OTUD7B: variants seen among roughly 807,000 people sequenced by gnomAD.
OTUD7B encodes the protein OTU deubiquitinase 7B.
OTUD7B carries 34 observed loss-of-function variants against 82.2 expected under a neutral mutation model. The observed-to-expected ratio is 0.41, with a 90% CI of 0.31 to 0.55. The LOEUF (loss-of-function observed/expected upper bound fraction) is 0.55, where lower values mean the gene tolerates loss of function less well. Ranked by LOEUF, OTUD7B falls within the 20% of genes least tolerant of loss-of-function variation. The pLI is 0.20. For missense variants in OTUD7B, 944 were observed against 1,062.1 expected (o/e 0.89, Z 1.55); for synonymous variants, 398 against 402.7 (o/e 0.99, Z 0.14).
At chr1:150,024,774 G>T in the OTUD7B span, among the ~76,000 whole-genome samples, 1 of 152,110 alleles carries the variant, frequency 6.6e-6, no homozygotes, top group Non-Finnish European at 1.5e-5. Flanking sequence ...TTAGCCGGGC[G>T]TGGTGGCTCA....
the OTUD7B span, among the ~76,000 whole-genome samples, chr1:150,052,277 G>A: frequency 6.6e-6 from 1 of 152,210 alleles, no homozygotes; most frequent in Admixed American, 6.5e-5. Flanking sequence ...AAACCCCATA[G>A]TCTTGGCTCA....
intron 1 of OTUD7B, among the ~76,000 whole-genome samples, chr1:149,997,678 T>C (rs2101918059): frequency 6.6e-6 from 1 of 152,312 alleles, no homozygotes; most frequent in East Asian, 1.9e-4. Context: ...CAGGCCACTA[T>C]TGCATTAAGA....
At chr1:150,061,518 A>C in the OTUD7B span, among the ~76,000 whole-genome samples, 1 of 152,144 alleles carries the variant, frequency 6.6e-6, no homozygotes, top group African/African-American at 2.4e-5. Context: ...ACATTCTCAT[A>C]CGTGTCTCAC....
In OTUD7B at chr1:149,966,745, T is replaced by G. The variant is rs371408538; in HGVS notation, c.502+549A>C. ...AAAATTACAAATAGATGTATATGGT[T>G]AATATAGAAGGTTACAAAATGAAAA... is the stretch of plus-strand genomic sequence containing the variant. On this transcript the variant is annotated intron_variant, in intron 4 of 11. Coordinates refer to ENST00000581312, the MANE Select transcript of OTUD7B (RefSeq NM_020205.4). 6.6e-5 allele frequency among the ~76,000 whole-genome samples: 10 copies of G among 152,284 alleles called. No homozygotes were observed. The South Asian group carries it at 8.3e-4, about 13-fold the overall frequency.
intron 2 of OTUD7B, among the ~76,000 whole-genome samples, chr1:149,976,724 C>T (rs1377903888): frequency 6.6e-6 from 1 of 151,760 alleles, no homozygotes; most frequent in South Asian, 2.1e-4. Context: ...CATAGAATTA[C>T]CCATAATGTA....
rs782271267 is a variant in OTUD7B at position 149,950,203 on chromosome 1, C to G, written c.864G>C (p.Glu288Asp). 2 of 1,613,982 alleles carry G rather than the reference C, an allele frequency of 1.2e-6. No individual in the cohort carries two copies. Among genetic ancestry groups the G allele is most frequent in the Non-Finnish European group, 8.5e-7 (1 of 1,180,028 alleles). ...ACTCTTCAAGGCTCTCATATACAGG[C>G]TCCTCAGAACTCTCCACCCTGGAAC... ...ANCGGVESSE[E>D]PVYESLEEFH... is the part of the protein sequence containing the mutation. Residue 288 changes from glutamate (E) to aspartate (D), a missense_variant, in exon 8 of 12, where the codon GAG (glutamate) becomes GAC (aspartate). Glu to Asp is a conservative substitution (Grantham distance 45). Transcript: ENST00000581312.
At chr1:150,062,626 C>T in the OTUD7B span, among the ~76,000 whole-genome samples, 5 of 151,714 alleles carry the variant, frequency 3.3e-5, no homozygotes, top group African/African-American at 4.8e-5. Flanking sequence ...TTGAAAGCTG[C>T]TAATCTATAA....
chr1:149,968,242 AAC>A (rs1649654628), intron 3 of OTUD7B, among the ~76,000 whole-genome samples: 1 of 139,474 alleles, frequency 7.2e-6, no homozygotes, highest in Admixed American at 7.6e-5. Flanking sequence ...CCTGCCTGAC[AAC>A]AGAGCAAGAC....
At position 149,988,201 on chromosome 1, in the gene OTUD7B, T is replaced by TA. The variant is rs376684557; in HGVS notation, c.-66-10626dup. Among the ~76,000 whole-genome samples the TA allele has an allele frequency of 2.3e-3, 344 of 146,834 alleles. 2 individuals carry two copies. The highest frequency in any genetic ancestry group is 8.5e-3 in the South Asian group (40 of 4,680). ...TTCTCCCCCTAAGTCAAACATGGAA[T>TA]AAAAAAAAAAATCTCAACTCAATCA... On this transcript the variant is annotated intron_variant, in intron 1 of 11. Coordinates refer to ENST00000581312, the MANE Select transcript of OTUD7B (RefSeq NM_020205.4).
chr1:149,995,310 T>G (rs1651853364), intron 1 of OTUD7B, among the ~76,000 whole-genome samples: 1 of 152,212 alleles, frequency 6.6e-6, no homozygotes, highest in Non-Finnish European at 1.5e-5. Context: ...CCGGGCGCAG[T>G]GGCTCATGCC....
the OTUD7B span, among the ~76,000 whole-genome samples, chr1:150,020,399 T>C: frequency 6.6e-6 from 1 of 152,056 alleles, no homozygotes; most frequent in Non-Finnish European, 1.5e-5. Context: ...TAGCCAGGCA[T>C]GGTGGCGCGC....
At chr1:149,997,664 A>G (rs1652005338) in intron 1 of OTUD7B, among the ~76,000 whole-genome samples, 1 of 152,220 alleles carries the variant, frequency 6.6e-6, no homozygotes, top group African/African-American at 2.4e-5. Flanking sequence ...AGCTCTAAGA[A>G]ACCCAGGCCA....
Position 149,940,269 on chromosome 1 carries a change from C to G in OTUD7B, c.*3588G>C, listed in dbSNP as rs2092752444. 6.6e-6 allele frequency: 1 copy of G among 151,400 alleles called. No individual in the cohort carries two copies. The highest frequency in any genetic ancestry group is 1.5e-5 in the Non-Finnish European group (1 of 67,942). 9.4% of individuals were successfully genotyped at this position (151,400 alleles called of 1,614,324 possible). On this transcript the variant is annotated 3_prime_UTR_variant, in exon 12 of 12. Transcript: ENST00000581312. ...AGGGAAGGTACTTCCCTTCCACTGC[C>G]CTCTACAGCACTGAGTTTAACACCA...
At chr1:150,038,390 T>C in the OTUD7B span, among the ~76,000 whole-genome samples, 29 of 152,084 alleles carry the variant, frequency 1.9e-4, no homozygotes, top group Non-Finnish European at 3.8e-4. Flanking sequence ...TTTATTTATT[T>C]ATTTTTACTT....
At chr1:150,004,749 G>A (rs1426378830) in intron 1 of OTUD7B, among the ~76,000 whole-genome samples, 2 of 151,932 alleles carry the variant, frequency 1.3e-5, no homozygotes, top group East Asian at 1.9e-4. Context: ...GAACATCTCA[G>A]GTATAGTCCT....
chr1:149,963,718 T>C (rs1464076280), intron 6 of OTUD7B: 1 of 153,856 alleles, frequency 6.5e-6, no homozygotes, highest in African/African-American at 2.4e-5. Flanking sequence ...GTATGCTTTT[T>C]GTGTGTGTGT....
intron 1 of OTUD7B, among the ~76,000 whole-genome samples, chr1:150,002,049 G>C (rs1652326536): frequency 1.3e-5 from 2 of 152,060 alleles, no homozygotes; most frequent in African/African-American, 4.8e-5. Context: ...TGAAAATACA[G>C]GGAAGATGCA....
the OTUD7B span, among the ~76,000 whole-genome samples, chr1:150,039,565 A>C: frequency 1.3e-5 from 2 of 151,994 alleles, no homozygotes; most frequent in African/African-American, 2.4e-5. Context: ...TTTAATAGAG[A>C]CAGAGTTTCA....
At chr1:149,964,428 C>A in intron 5 of OTUD7B, 79 bp from the exon 6 acceptor site, 1 of 1,468,192 alleles carries the variant, frequency 6.8e-7, no homozygotes, top group South Asian at 1.3e-5. Flanking sequence ...GATGGGGTTT[C>A]ACCATGTTGG....
Sources: gnomAD v4.1 joint callset for allele counts (sites outside exome capture counted in the v4.1 genomes callset) on GRCh38, gnomAD v4.1.1 for gene constraint, MANE v1.5 for transcripts, NCBI Gene and HGNC (gene_info 2026-07-23, HGNC 2026-07-21) for gene names.